The following GPR161 variants were observed in gnomAD, a reference collection of about 807,000 sequenced individuals.
GPR161 encodes G protein-coupled receptor 161, also known as G-protein coupled receptor RE2.
In GPR161, 25 loss-of-function variants were observed where a neutral mutation model predicts 39.2. The observed-to-expected ratio is 0.64, with a 90% CI of 0.47 to 0.89. GPR161 has a LOEUF of 0.89. Ranked by LOEUF, GPR161 falls within the 40% of genes least tolerant of loss-of-function variation. The pLI, the probability that GPR161 is intolerant of heterozygous loss-of-function variation, is 0.00. For synonymous variants in GPR161, 286 were observed against 276.6 expected, an observed-to-expected ratio of 1.03 and a Z score of -0.34; for missense variants, 547 against 677.8, an observed-to-expected ratio of 0.81 and a Z score of 2.14.
chr1:168,094,743 C>T (rs974977738), intron 3 of GPR161, among the ~76,000 whole-genome samples: 1 of 152,216 alleles, frequency 6.6e-6, no homozygotes, highest in Non-Finnish European at 1.5e-5. Context: ...TGAATGTTCT[C>T]CAAATCTCTC....
intron 1 of GPR161, among the ~76,000 whole-genome samples, chr1:168,108,055 A>T (rs1038047620): frequency 1.3e-4 from 20 of 152,230 alleles, no homozygotes; most frequent in Non-Finnish European, 2.5e-4. Context: ...CTGTACAATT[A>T]TGGTGCAGCA....
chr1:168,101,899 C>T (rs150307635), intron 2 of GPR161, among the ~76,000 whole-genome samples: 1 of 136,120 alleles, frequency 7.3e-6, no homozygotes, highest in Admixed American at 8.0e-5. Flanking sequence ...CCCTGCCTAC[C>T]GGGTTCAAGT....
At chr1:168,128,983 C>T (rs1454623459) in intron 1 of GPR161, among the ~76,000 whole-genome samples, 1 of 152,226 alleles carries the variant, frequency 6.6e-6, no homozygotes, top group Non-Finnish European at 1.5e-5. Flanking sequence ...CTCAACTCTA[C>T]AGCTGGGGCA....
At chr1:168,097,600 A>C (rs1198779800) in intron 2 of GPR161, among the ~76,000 whole-genome samples, 1 of 152,114 alleles carries the variant, frequency 6.6e-6, no homozygotes, top group Non-Finnish European at 1.5e-5. Context: ...CATTTACATC[A>C]ATTTTCAGAG....
chr1:168,136,121 G>A lies in GPR161; in HGVS notation c.-45+618C>T, dbSNP rs527354057. On this transcript the variant is annotated intron_variant, in intron 1 of 5. Coordinates refer to ENST00000682931, the MANE Select transcript of GPR161 (RefSeq NM_001375883.1). Reference sequence around the variant, plus strand: ...GTTCTCCCCTTTCCAAGAACCAGCCGAATCTCCCTCCCGCAGATCTGAGGG... The same window carrying A: ...GTTCTCCCCTTTCCAAGAACCAGCCAAATCTCCCTCCCGCAGATCTGAGGG... 7.8e-5 allele frequency: 98 copies of A among 1,259,556 alleles called. No homozygotes were observed. The African/African-American group carries it at 1.4e-3, about 18-fold the overall frequency. The allele number at this position is 1,259,556 out of a possible 1,614,324, so 78.0% of individuals were successfully genotyped here.
chr1:168,093,380 T>C (rs764971904), intron 3 of GPR161, among the ~76,000 whole-genome samples: 4 of 152,174 alleles, frequency 2.6e-5, no homozygotes, highest in Admixed American at 6.5e-5. Context: ...GCAGAACCAC[T>C]GATTATGGCT....
At chr1:168,094,502 A>G (rs1218190221) in intron 3 of GPR161, among the ~76,000 whole-genome samples, 2 of 152,218 alleles carry the variant, frequency 1.3e-5, no homozygotes, top group Non-Finnish European at 2.9e-5. Flanking sequence ...TTGGAAATAA[A>G]ACTCCATCAG....
chr1:168,123,979 A>G (rs1377317970), intron 1 of GPR161, among the ~76,000 whole-genome samples: 1 of 152,190 alleles, frequency 6.6e-6, no homozygotes, highest in Non-Finnish European at 1.5e-5. Flanking sequence ...GTAAAAAGCA[A>G]TCCTAACTTG....
Position 168,085,328 on chromosome 1 carries a change from TG to T in GPR161, c.*202del. ...CTGGGACCTAAAAGAAGCTCACATG[TG>T]GTCTCTGGAAATGCTGAAGCTGTGG... On this transcript the variant is annotated 3_prime_UTR_variant, in exon 6 of 6. Transcript: ENST00000682931. The T allele has an allele frequency of 1.7e-6, 1 of 599,740 alleles. No homozygotes were observed. Among genetic ancestry groups the T allele is most frequent in the South Asian group, 2.0e-5 (1 of 49,452 alleles). The allele number at this position is 599,740 out of a possible 1,614,324, so 37.2% of individuals were successfully genotyped here.
chr1:168,110,242 G>A (rs530453280), intron 1 of GPR161, among the ~76,000 whole-genome samples: 1 of 152,182 alleles, frequency 6.6e-6, no homozygotes, highest in Admixed American at 6.5e-5. Context: ...AGTGGCTCAC[G>A]CCTGTAACCC....
intron 1 of GPR161, among the ~76,000 whole-genome samples, chr1:168,106,952 T>C (rs1027969781): frequency 3.3e-5 from 5 of 152,200 alleles, no homozygotes; most frequent in Non-Finnish European, 5.9e-5. Context: ...TTGACTCTAA[T>C]AAGTAAATTA....
chr1:168,134,751 G>A (rs368053527), intron 1 of GPR161, among the ~76,000 whole-genome samples: 1 of 152,190 alleles, frequency 6.6e-6, no homozygotes, highest in African/African-American at 2.4e-5. Context: ...AGGCAACCAT[G>A]TGCTGGAGCC....
rs960440590 is a variant in GPR161, at chr1:168,098,550, G to C, written c.375-1318C>G. On this transcript the variant is annotated intron_variant, in intron 2 of 5. Transcript: ENST00000682931. This position sits in a 1 kb window ranked among gnomAD's most constrained non-coding sequence, Gnocchi z 4.1. The stretch of plus-strand genomic sequence containing the variant: ...TGCCTCACACATCGCCTGGGAAGGT[G>C]GCTCCTCCACAGGGACCGCCCTGAG... Among the ~76,000 whole-genome samples, 10 of 152,246 alleles carry C rather than the reference G, an allele frequency of 6.6e-5. No homozygotes were observed. The highest frequency in any genetic ancestry group is 2.4e-4 in the African/African-American group (10 of 41,472).
chr1:168,117,131 A>C (rs987304296), intron 1 of GPR161, among the ~76,000 whole-genome samples: 7 of 152,188 alleles, frequency 4.6e-5, no homozygotes, highest in Non-Finnish European at 1.0e-4. Context: ...ATCAGCAGCA[A>C]GTCTATCAAA....
chr1:168,096,597 C>A lies in GPR161; in HGVS notation c.1010G>T (p.Gly337Val), dbSNP rs1338480511. ...ATAATACCGGTCCCCAAAGCACATG[C>A]CCAGTAGTTCTTTGCGAACTGTCTT... ...WNKTVRKELL[G>V]MCFGDRYYRE... The change falls in exon 3 of 6, where the codon GGC becomes GTC. Residue 337 changes from glycine (G) to valine (V), a missense_variant. By Grantham distance (109) the Gly-to-Val change is moderately radical. Transcript: ENST00000682931. 6.2e-7 allele frequency: 1 copy of A among 1,614,058 alleles called. No individual in the cohort carries two copies. Among genetic ancestry groups the A allele is most frequent in the African/African-American group, 1.3e-5 (1 of 74,952 alleles).
At chr1:168,102,492 C>T (rs77253341) in intron 2 of GPR161, among the ~76,000 whole-genome samples, 3,830 of 152,268 alleles carry the variant, frequency 0.025, 157 homozygotes, top group African/African-American at 0.087. Flanking sequence ...ACAGGCCTTT[C>T]CTGGAGTAGA....
At chr1:168,129,294 C>A (rs74741194) in intron 1 of GPR161, among the ~76,000 whole-genome samples, 1,978 of 152,184 alleles carry the variant, frequency 0.013, 35 homozygotes, top group African/African-American at 0.044. Context: ...ATGAGCTCGG[C>A]GTGTTTAAGG....
In GPR161 at chr1:168,096,765, A is replaced by G; in HGVS notation, c.842T>C (p.Val281Ala). The G allele has an allele frequency of 6.2e-7, 1 of 1,614,102 alleles. No individual in the cohort carries two copies. Among genetic ancestry groups the G allele is most frequent in the Non-Finnish European group, 8.5e-7 (1 of 1,180,016 alleles). Reference protein sequence around the residue: ...TILVVLGAFMVTWGPYMVVIA... With the variant: ...TILVVLGAFMATWGPYMVVIA... ...GACAACCATGTAGGGGCCCCAGGTG[A>G]CCATGAAGGCACCGAGGACCACCAG... The change falls in exon 3 of 6, where the codon GTC becomes GCC. Residue 281 changes from valine to alanine, a missense_variant. Transcript: ENST00000682931.
rs1572248665 is a variant in GPR161, at chr1:168,090,599, GTGC to G, written c.1166_1168del (p.Ser389del). ...GGAGCAGCTGAAGCCAGTGTCCCCCGTGCTGCTGCTGTGCCCCAGGGGCTGTCC... is the reference window on the plus strand; with the variant it reads ...GGAGCAGCTGAAGCCAGTGTCCCCCGTGCTGCTGTGCCCCAGGGGCTGTCC... On this transcript the variant is annotated inframe_deletion, in exon 4 of 6. Transcript: ENST00000682931. The G allele has an allele frequency of 3.1e-6, 5 of 1,610,146 alleles. No homozygotes were observed. Among genetic ancestry groups the G allele is most frequent in the Non-Finnish European group, 4.2e-6 (5 of 1,176,646 alleles).
Sources: allele counts gnomAD v4.1 joint callset (sites outside exome capture counted in the v4.1 genomes callset), GRCh38; gene constraint gnomAD v4.1.1; non-coding constraint Gnocchi (gnomAD v3.1); transcripts MANE v1.5; gene names NCBI Gene and HGNC (gene_info 2026-07-23, HGNC 2026-07-21).